DNAH17: variants seen among roughly 807,000 people sequenced by gnomAD.
DNAH17 encodes the protein axonemal beta dynein heavy chain 17.
In DNAH17, 376 loss-of-function variants were observed where a neutral mutation model predicts 485.6. That is an observed-to-expected ratio of 0.77 (90% CI 0.71 to 0.84). The LOEUF (loss-of-function observed/expected upper bound fraction) is 0.84. Ranked by LOEUF, DNAH17 falls within the 40% of genes least tolerant of loss-of-function variation. The probability of loss-of-function intolerance (pLI) is 0.00; values close to 1 mark genes in which losing one functional copy is unlikely to be tolerated. For synonymous variants in DNAH17, 3,031 were observed against 2,405.9 expected (o/e 1.26, Z -7.60); for missense variants, 6,370 against 5,839.3 (o/e 1.09, Z -2.96).
intron 20 of DNAH17, 54 bp from the exon 21 acceptor site, chr17:78,530,566 G>T: frequency 6.4e-7 from 1 of 1,556,214 alleles, no homozygotes. Flanking sequence ...TAGGGGGGGC[G>T]TCAGCACAGG....
In DNAH17 at chr17:78,479,495, G is replaced by T. The variant is rs563572567; in HGVS notation, c.7890C>A (p.Ala2630=). 7 of 1,611,500 alleles carry T rather than the reference G, an allele frequency of 4.3e-6. No individual in the cohort carries two copies. In the Admixed American group the frequency reaches 8.4e-5, roughly 19 times the overall value. ...GGCCAGCCAGCTTACCCAGGGCCGC[G>T]GCCACCAGCTGGCTGCTTATCCTCT... ...AIQRISSQLV[A]AALALHQKIT... The change falls in exon 50 of 81, where the codon GCC becomes GCA. Residue 2630 remains alanine (A), a synonymous_variant. Transcript: ENST00000389840.
At chr17:78,576,673 G>A (rs769811844) in intron 1 of DNAH17, among the ~76,000 whole-genome samples, 1 of 152,120 alleles carries the variant, frequency 6.6e-6, no homozygotes, top group Admixed American at 6.5e-5. Flanking sequence ...TGGAAGTCTC[G>A]CCAAGCTGGT....
intron 11 of DNAH17, 123 bp downstream of exon 11, chr17:78,566,491 C>T (rs971208289): frequency 2.8e-6 from 2 of 722,554 alleles, no homozygotes; most frequent in Non-Finnish European, 4.6e-6. Context: ...GAGACGGGCC[C>T]TCCCTCCCTG....
chr17:78,451,378 T>C, intron 66 of DNAH17, 91 bp downstream of exon 66: 4 of 1,223,958 alleles, frequency 3.3e-6, no homozygotes, highest in East Asian at 2.4e-5. Flanking sequence ...CACACTGGAC[T>C]GGCAGCCCTG....
rs1312396301 is a variant in DNAH17, at chr17:78,560,889, C to G, written c.1882G>C (p.Glu628Gln). The G allele has an allele frequency of 1.3e-6, 2 of 1,551,536 alleles. No individual in the cohort carries two copies. The highest frequency in any genetic ancestry group is 1.4e-5 in the African/African-American group (1 of 73,148). The change falls in exon 13 of 81, where the codon GAG (glutamate) becomes CAG (glutamine). Residue 628 changes from glutamate to glutamine, a missense_variant. Physicochemically the swap from Glu to Gln is conservative, Grantham distance 29. Transcript: ENST00000389840. ...EAKLTYQKYD[E>Q]MMELLRCHRE... is the part of the protein sequence containing the mutation. Reference sequence around the variant, plus strand: ...TGGCACCTCAGCAGCTCCATCATCTCGTCATACTTCTGATAGGTCAGCTTG... The same window carrying G: ...TGGCACCTCAGCAGCTCCATCATCTGGTCATACTTCTGATAGGTCAGCTTG...
chr17:78,570,276 G>T lies in DNAH17; in HGVS notation c.1015C>A (p.Gln339Lys), dbSNP rs1286643480. The change falls in exon 7 of 81, where the codon CAG becomes AAG. Residue 339 changes from glutamine to lysine, a missense_variant. Transcript: ENST00000389840. ...TCGATGATTTGGTTGCAGAACTCCTGCAGGATGACGATGATCCTGGCAGGT... is the reference window on the plus strand; with the variant it reads ...TCGATGATTTGGTTGCAGAACTCCTTCAGGATGACGATGATCCTGGCAGGT... ...NTPARIIVIL[Q>K]EFCNQIIEMT... 1 of 1,593,956 alleles carries T rather than the reference G, an allele frequency of 6.3e-7. No homozygotes were observed. The highest frequency in any genetic ancestry group is 1.1e-5 in the South Asian group (1 of 87,450).
intron 25 of DNAH17, among the ~76,000 whole-genome samples, chr17:78,521,597 A>G (rs1310352402): frequency 6.6e-6 from 1 of 152,210 alleles, no homozygotes; most frequent in East Asian, 1.9e-4. Context: ...GCATAGGAGA[A>G]AATCTTTAGG....
In DNAH17 at chr17:78,441,063, C is replaced by T. The variant is rs765199219; in HGVS notation, c.11665G>A (p.Val3889Met). The T allele has an allele frequency of 6.9e-6, 11 of 1,594,792 alleles. No homozygotes were observed. Among genetic ancestry groups the T allele is most frequent in the East Asian group, 4.5e-5 (2 of 44,186 alleles). ...LSPGVDPLKD[V>M]EALGKKLGFT... Reference sequence around the variant, plus strand: ...CTGCTACACTTACCCAGGGCTTCCACGTCTTTCAAGGGGTCAACCCCCGGG... The same window carrying T: ...CTGCTACACTTACCCAGGGCTTCCATGTCTTTCAAGGGGTCAACCCCCGGG... The change falls in exon 72 of 81, where the codon GTG (valine) becomes ATG (methionine). Residue 3889 changes from valine to methionine, a missense_variant. Transcript: ENST00000389840.
At chr17:78,460,316 G>T in intron 58 of DNAH17, 59 bp from the exon 59 acceptor site, 2 of 1,156,930 alleles carry the variant, frequency 1.7e-6, no homozygotes, top group Non-Finnish European at 2.3e-6. Context: ...CTGTGGGGGC[G>T]TGTACGTGCA....
intron 48 of DNAH17, 41 bp downstream of exon 48, chr17:78,484,827 C>G (rs1276936305): frequency 1.3e-6 from 2 of 1,494,386 alleles, no homozygotes; most frequent in South Asian, 1.3e-5. Flanking sequence ...CCCTCACCGC[C>G]CCGGGGCCAC....
At chr17:78,474,477 A>T (rs1331419263) in intron 54 of DNAH17, among the ~76,000 whole-genome samples, 1 of 152,230 alleles carries the variant, frequency 6.6e-6, no homozygotes, top group Admixed American at 6.5e-5. Context: ...TATTTCATTC[A>T]TTCCAAAAGC....
chr17:78,520,102 ACT>A (rs201340690), intron 25 of DNAH17, among the ~76,000 whole-genome samples: 3,449 of 130,648 alleles, frequency 0.026, 55 homozygotes, highest in South Asian at 0.047. Flanking sequence ...ATAGAACGAA[ACT>A]CTGTTTCAAG....
chr17:78,513,045 C>T (rs751423993), intron 26 of DNAH17, among the ~76,000 whole-genome samples: 3 of 151,696 alleles, frequency 2.0e-5, no homozygotes, highest in Non-Finnish European at 4.4e-5. Context: ...CTGAAGCTCA[C>T]CTCATCCTGC....
At chr17:78,565,646 C>T (rs1443188418) in intron 11 of DNAH17, among the ~76,000 whole-genome samples, 2 of 152,190 alleles carry the variant, frequency 1.3e-5, no homozygotes, top group African/African-American at 4.8e-5. Context: ...CATAGCAAAA[C>T]CTTGTCTCTA....
chr17:78,530,523 C>G lies in DNAH17; in HGVS notation c.3115-11G>C. ...CTCGTAGGAGTCGATCTGGAAAACACGGCCACCGGCGGCCTGTCATAGCCT... is the reference window on the plus strand; with the variant it reads ...CTCGTAGGAGTCGATCTGGAAAACAGGGCCACCGGCGGCCTGTCATAGCCT... On this transcript the variant is annotated splice_polypyrimidine_tract_variant and intron_variant, in intron 20 of 80. Transcript: ENST00000389840. 1 of 1,593,368 alleles carries G rather than the reference C, an allele frequency of 6.3e-7. No homozygotes were observed.
At chr17:78,535,409 C>T (rs2091348546) in intron 19 of DNAH17, among the ~76,000 whole-genome samples, 1 of 152,232 alleles carries the variant, frequency 6.6e-6, no homozygotes, top group African/African-American at 2.4e-5. Context: ...CTCTCAGGAG[C>T]TGTCCTTGAC....
intron 30 of DNAH17, 115 bp downstream of exon 30, chr17:78,506,605 G>C: frequency 1.4e-6 from 2 of 1,471,950 alleles, no homozygotes; most frequent in South Asian, 2.6e-5. Context: ...TCCTGGAGAT[G>C]ATGGGGCACG....
rs1026347118 is a variant in DNAH17, at chr17:78,485,200, G to A, written c.7484-167C>T. On this transcript the variant is annotated intron_variant, in intron 47 of 80. Coordinates refer to ENST00000389840, the MANE Select transcript of DNAH17 (RefSeq NM_173628.4). ...GGAGTGGCCCTTGAGGGGGCACCGG[G>A]TACAGCCCCAGGAATAAACAGAGCG... The A allele has an allele frequency of 2.4e-5, 20 of 824,296 alleles. No homozygotes were observed. The African/African-American group carries it at 3.1e-4, about 13-fold the overall frequency. The allele number at this position is 824,296 out of a possible 1,614,324, so 51.1% of individuals were successfully genotyped here.
chr17:78,446,177 A>AAAAAAC, intron 69 of DNAH17, among the ~76,000 whole-genome samples: 1 of 144,132 alleles, frequency 6.9e-6, no homozygotes, highest in Non-Finnish European at 1.5e-5. Context: ...CTGTCTCAAA[A>AAAAAAC]AAAAAAAAAA....
Sources: allele counts gnomAD v4.1 joint callset (sites outside exome capture counted in the v4.1 genomes callset), GRCh38; gene constraint gnomAD v4.1.1; transcripts MANE v1.5; gene names NCBI Gene and HGNC (gene_info 2026-07-23, HGNC 2026-07-21).